The following ARL15 variants were observed in gnomAD, a reference collection of about 807,000 sequenced individuals.
ARL15 encodes the protein ARF like GTPase 15.
A neutral mutation model predicts 25.2 loss-of-function variants in ARL15; 19 were observed. That is an observed-to-expected ratio of 0.75 (90% CI 0.53 to 1.10). The LOEUF is 1.10. Among genes scored for constraint, ARL15 ranks in the 50% least tolerant of loss-of-function variants. The pLI, the probability that ARL15 is intolerant of heterozygous loss-of-function variation, is 0.00. For synonymous variants in ARL15, 94 were observed against 86.8 expected, an observed-to-expected ratio of 1.08 and a Z score of -0.46; for missense variants, 220 against 246.0, an observed-to-expected ratio of 0.89 and a Z score of 0.71.
At chr5:54,140,909 GCTTT>G (rs1461911525) in intron 3 of ARL15, among the ~76,000 whole-genome samples, 1 of 152,074 alleles carries the variant, frequency 6.6e-6, no homozygotes, top group African/African-American at 2.4e-5. Context: ...GGAAGCAGAT[GCTTT>G]CTAATATATT....
intron 4 of ARL15, among the ~76,000 whole-genome samples, chr5:54,005,115 G>A (rs954842704): frequency 1.3e-5 from 2 of 152,030 alleles, no homozygotes; most frequent in African/African-American, 4.8e-5. Context: ...GCCTCCCAAA[G>A]TACTAGGATT....
chr5:54,027,941 G>A (rs1749835054), intron 4 of ARL15, among the ~76,000 whole-genome samples: 1 of 151,638 alleles, frequency 6.6e-6, no homozygotes, highest in Non-Finnish European at 1.5e-5. Context: ...TTTTGAGACG[G>A]AGTCTTGTTT....
chr5:54,214,506 C>G (rs1398883275), intron 1 of ARL15, among the ~76,000 whole-genome samples: 1 of 152,170 alleles, frequency 6.6e-6, no homozygotes, highest in Admixed American at 6.5e-5. Context: ...AGCCTCTTCA[C>G]CATTTGTCAT....
At chr5:54,022,740 C>T (rs919982121) in intron 4 of ARL15, among the ~76,000 whole-genome samples, 2 of 152,116 alleles carry the variant, frequency 1.3e-5, no homozygotes, top group African/African-American at 4.8e-5. Flanking sequence ...GTGGGGCTCC[C>T]GTCTATATGC....
intron 4 of ARL15, among the ~76,000 whole-genome samples, chr5:54,095,483 T>A (rs1344436259): frequency 2.6e-5 from 4 of 152,072 alleles, no homozygotes; most frequent in Non-Finnish European, 4.4e-5. Flanking sequence ...CGTGAATGAA[T>A]GGAGGTTGAG....
intron 1 of ARL15, among the ~76,000 whole-genome samples, chr5:54,290,997 A>G (rs988242827): frequency 2.0e-5 from 3 of 152,214 alleles, no homozygotes; most frequent in African/African-American, 4.8e-5. Flanking sequence ...TTCTATATTA[A>G]CTTACAAAAA....
chr5:53,974,205 CACTT>C (rs1747851407), intron 4 of ARL15, among the ~76,000 whole-genome samples: 1 of 152,258 alleles, frequency 6.6e-6, no homozygotes, highest in South Asian at 2.1e-4. Context: ...ACCTGGATCA[CACTT>C]ACCAGGTTGA....
At chr5:53,995,572 T>C (rs150030206) in intron 4 of ARL15, among the ~76,000 whole-genome samples, 6 of 152,288 alleles carry the variant, frequency 3.9e-5, no homozygotes, top group African/African-American at 1.4e-4. Context: ...AAGGTCCAAA[T>C]AAGCAAAATA....
chr5:54,210,050 T>A (rs2112504552), intron 1 of ARL15, among the ~76,000 whole-genome samples: 1 of 152,312 alleles, frequency 6.6e-6, no homozygotes, highest in Non-Finnish European at 1.5e-5. Context: ...CTTTGTGTCC[T>A]AATATTTGGC....
In ARL15 at chr5:53,884,756, C is replaced by T. The variant is rs1197640175; in HGVS notation, c.*1805G>A. 6.6e-6 allele frequency: 1 copy of T among 152,410 alleles called. No individual in the cohort carries two copies. Among genetic ancestry groups the T allele is most frequent in the Non-Finnish European group, 1.5e-5 (1 of 68,018 alleles). 9.4% of individuals were successfully genotyped at this position (152,410 alleles called of 1,614,324 possible). On this transcript the variant is annotated 3_prime_UTR_variant, in exon 5 of 5. Coordinates refer to ENST00000504924, the MANE Select transcript of ARL15 (RefSeq NM_019087.3). ...GGTGTCTTAAAAAGACAACATTCTA[C>T]ATTTAATGAACTTGCAGGGAAAGCA...
intron 4 of ARL15, among the ~76,000 whole-genome samples, chr5:54,031,441 CAGA>C (rs964511625): frequency 9.9e-4 from 151 of 152,188 alleles, no homozygotes; most frequent in African/African-American, 3.5e-3. Context: ...TTATCTTGTG[CAGA>C]AGAAGTGTAG....
intron 1 of ARL15, among the ~76,000 whole-genome samples, chr5:54,201,557 C>T (rs533422007): frequency 5.3e-5 from 8 of 152,108 alleles, no homozygotes; most frequent in South Asian, 2.1e-4. Flanking sequence ...GCCAGTCTTC[C>T]GCAAGAATCC....
intron 4 of ARL15, among the ~76,000 whole-genome samples, chr5:53,961,767 A>T (rs574664951): frequency 1.6e-4 from 25 of 152,254 alleles, no homozygotes; most frequent in African/African-American, 5.1e-4. Flanking sequence ...TCCAGAACAA[A>T]ATATCTTTTA....
chr5:54,203,840 AC>A (rs775532440), intron 1 of ARL15, among the ~76,000 whole-genome samples: 78 of 152,216 alleles, frequency 5.1e-4, no homozygotes, highest in South Asian at 1.4e-3. Context: ...CCATAAAACT[AC>A]CTTTTTTCAA....
At chr5:54,182,843 TCTC>T (rs1254904798) in intron 1 of ARL15, among the ~76,000 whole-genome samples, 1 of 151,702 alleles carries the variant, frequency 6.6e-6, no homozygotes, top group Non-Finnish European at 1.5e-5. Flanking sequence ...GGTTTGTAGT[TCTC>T]CTTGAAGAGG....
chr5:54,118,699 T>G (rs1033833908), intron 3 of ARL15, among the ~76,000 whole-genome samples: 1 of 152,144 alleles, frequency 6.6e-6, no homozygotes, highest in Non-Finnish European at 1.5e-5. Flanking sequence ...ATCTCAAAAC[T>G]AAGAGGTCTA....
Position 54,130,253 on chromosome 5 carries a change from A to C in ARL15, c.254-16843T>G, listed in dbSNP as rs547628681. On this transcript the variant is annotated intron_variant, in intron 3 of 4. Transcript: ENST00000504924. ...AAACAAACAAACAAGCAAAACCATA[A>C]AATGTTTAAAAATATTAAATCAAAA... is the stretch of plus-strand genomic sequence containing the variant. Among the ~76,000 whole-genome samples, 11 of 152,274 alleles carry C rather than the reference A, an allele frequency of 7.2e-5. No individual in the cohort carries two copies. The South Asian group carries it at 2.3e-3, about 32-fold the overall frequency.
At chr5:54,116,439 G>T (rs750407429) in intron 3 of ARL15, among the ~76,000 whole-genome samples, 1 of 152,154 alleles carries the variant, frequency 6.6e-6, no homozygotes, top group Non-Finnish European at 1.5e-5. Context: ...TCGGTGGTAA[G>T]TGTTTAAAAC....
At chr5:54,228,389 G>A (rs1756580395) in intron 1 of ARL15, among the ~76,000 whole-genome samples, 1 of 152,178 alleles carries the variant, frequency 6.6e-6, no homozygotes, top group South Asian at 2.1e-4. Flanking sequence ...CCAGGGGGTA[G>A]AATAGGTTCA....
Sources: allele counts gnomAD v4.1 joint callset (sites outside exome capture counted in the v4.1 genomes callset), GRCh38; gene constraint gnomAD v4.1.1; transcripts MANE v1.5; gene names NCBI Gene and HGNC (gene_info 2026-07-23, HGNC 2026-07-21).